Variants in HDLBP observed in about 807,000 individuals in gnomAD.
HDLBP encodes high density lipoprotein binding protein, also known as vigilin.
Under a neutral mutation model 137.3 loss-of-function variants are expected in HDLBP, and 30 were observed. The ratio of observed to expected loss-of-function variants is 0.22; its 90% confidence interval spans 0.16 to 0.30. The LOEUF (loss-of-function observed/expected upper bound fraction) is 0.30. Among genes scored for constraint, HDLBP ranks in the 10% least tolerant of loss-of-function variants. HDLBP has a pLI of 1.00. For missense variants in HDLBP, 1,119 were observed against 1,667.3 expected, an observed-to-expected ratio of 0.67 and a Z score of 5.73; for synonymous variants, 606 against 596.0, an observed-to-expected ratio of 1.02 and a Z score of -0.24.
Position 241,227,300 on chromosome 2 carries a change from G to C in HDLBP, c.*2301C>G, listed in dbSNP as rs1002698238. The C allele has an allele frequency of 6.6e-6, 1 of 152,486 alleles. No homozygotes were observed. The highest frequency in any genetic ancestry group is 2.4e-5 in the African/African-American group (1 of 41,442). 9.4% of individuals were successfully genotyped at this position (152,486 alleles called of 1,614,324 possible). A position where few individuals can be genotyped will look rare whatever the true frequency, so the allele number is the denominator to read the frequency against. On this transcript the variant is annotated 3_prime_UTR_variant, in exon 28 of 28. Transcript: ENST00000310931. ...GTCCCAGCATGCTACATCTGGTTTCGGGTTTTATTTTAGAATTTATAAAAT... is the reference window on the plus strand; with the variant it reads ...GTCCCAGCATGCTACATCTGGTTTCCGGTTTTATTTTAGAATTTATAAAAT...
At chr2:241,313,324 G>A (rs1014166075) in intron 1 of HDLBP, among the ~76,000 whole-genome samples, 1 of 152,152 alleles carries the variant, frequency 6.6e-6, no homozygotes, top group Non-Finnish European at 1.5e-5. Flanking sequence ...CTGTCGCCCA[G>A]GCTAGAGTGC....
intron 1 of HDLBP, among the ~76,000 whole-genome samples, chr2:241,310,003 G>A (rs866283530): frequency 9.9e-5 from 15 of 152,134 alleles, no homozygotes; most frequent in African/African-American, 3.6e-4. Context: ...TCTGACTCAC[G>A]AGCAGGCACA....
At chr2:241,274,098 G>A (rs963372765) in intron 1 of HDLBP, among the ~76,000 whole-genome samples, 2 of 152,188 alleles carry the variant, frequency 1.3e-5, no homozygotes, top group African/African-American at 4.8e-5. Flanking sequence ...GGGAAGAGCT[G>A]CCCTCACTGA....
chr2:241,295,240 T>C (rs2075134878), intron 1 of HDLBP, among the ~76,000 whole-genome samples: 1 of 152,198 alleles, frequency 6.6e-6, no homozygotes, highest in East Asian at 1.9e-4. Context: ...ATGAACAATA[T>C]TTCCCCAAAG....
Position 241,238,547 on chromosome 2 carries a change from A to T in HDLBP, c.2749+102T>A. The stretch of plus-strand genomic sequence containing the variant: ...CCCCAGAATACATAGATGGTTTTCC[A>T]GCAGAGACAGGAAAGAGCCTCACCA... On this transcript the variant is annotated intron_variant, in intron 20 of 27. Coordinates refer to ENST00000310931, the MANE Select transcript of HDLBP (RefSeq NM_005336.6). This position sits in a 1 kb window ranked among gnomAD's most constrained non-coding sequence, Gnocchi z 4.9. 1 of 955,820 alleles carries T rather than the reference A, an allele frequency of 1.0e-6. No homozygotes were observed. Among genetic ancestry groups the T allele is most frequent in the Non-Finnish European group, 1.5e-6 (1 of 672,566 alleles). 59.2% of individuals were successfully genotyped at this position (955,820 alleles called of 1,614,324 possible).
At chr2:241,231,745 A>T (rs2069786254) in intron 24 of HDLBP, among the ~76,000 whole-genome samples, 1 of 152,110 alleles carries the variant, frequency 6.6e-6, no homozygotes, top group Non-Finnish European at 1.5e-5. Flanking sequence ...ACACCATACC[A>T]GACTTGGGAT....
At chr2:241,276,898 G>T (rs757071744) in intron 1 of HDLBP, among the ~76,000 whole-genome samples, 5 of 151,374 alleles carry the variant, frequency 3.3e-5, no homozygotes, top group Non-Finnish European at 5.9e-5. Context: ...ATGTATAGAG[G>T]ATGCAAACAC....
intron 3 of HDLBP, among the ~76,000 whole-genome samples, chr2:241,265,301 C>T (rs954277476): frequency 6.6e-6 from 1 of 152,108 alleles, no homozygotes; most frequent in African/African-American, 2.4e-5. Context: ...GCCTGTAATC[C>T]CAGCTACTCG....
intron 2 of HDLBP, chr2:241,267,853 T>C (rs2073795805): frequency 2.1e-6 from 3 of 1,432,168 alleles, no homozygotes; most frequent in Non-Finnish European, 1.8e-6. Flanking sequence ...AGGGGAAACC[T>C]GGCCCAAGGG....
chr2:241,244,082 A>G (rs1453111441), intron 16 of HDLBP, among the ~76,000 whole-genome samples: 2 of 152,212 alleles, frequency 1.3e-5, no homozygotes, highest in Non-Finnish European at 2.9e-5. Context: ...CTAGGGAAGA[A>G]AACAACATCT....
rs746874477 is a variant in HDLBP, at chr2:241,253,383, G to A, written c.1293+10C>T. On this transcript the variant is annotated intron_variant, in intron 10 of 27. Transcript: ENST00000310931. ...CACCAGCACACACAACATTCCAAGG[G>A]GTACCTTACCAAATCTTTGACCATG... 2.6e-6 allele frequency: 4 copies of A among 1,561,694 alleles called. No homozygotes were observed. The highest frequency in any genetic ancestry group is 2.7e-6 in the Non-Finnish European group (3 of 1,131,776).
chr2:241,288,488 GA>G (rs948497708), intron 1 of HDLBP, among the ~76,000 whole-genome samples: 9 of 151,812 alleles, frequency 5.9e-5, no homozygotes, highest in African/African-American at 1.7e-4. Context: ...TAGCACCTAG[GA>G]AAAAAAATGG....
chr2:241,315,649 G>C lies in HDLBP; in HGVS notation c.-182C>G, dbSNP rs1320872153. On this transcript the variant is annotated 5_prime_UTR_variant, in exon 1 of 28. Coordinates refer to ENST00000310931, the MANE Select transcript of HDLBP (RefSeq NM_005336.6). ...CGAAACAGGGACAAGCCGCCATCTT[G>C]GTAAAGGAGAAGAGGCTACGCTTGA... The C allele has an allele frequency of 6.6e-6, 1 of 152,438 alleles. No homozygotes were observed. The highest frequency in any genetic ancestry group is 1.5e-5 in the Non-Finnish European group (1 of 68,244). 9.4% of individuals were successfully genotyped at this position (152,438 alleles called of 1,614,324 possible). A position where few individuals can be genotyped will look rare whatever the true frequency, so the allele number is the denominator to read the frequency against.
chr2:241,308,760 TAAC>T (rs983033610), intron 1 of HDLBP, among the ~76,000 whole-genome samples: 7 of 152,164 alleles, frequency 4.6e-5, no homozygotes, highest in African/African-American at 1.2e-4. Context: ...CGACCTGTGA[TAAC>T]AACAATACTT....
At position 241,272,171 on chromosome 2, in the gene HDLBP, T is replaced by C. The variant is rs1574991962; in HGVS notation, c.-102-3630A>G. On this transcript the variant is annotated intron_variant, in intron 1 of 27. Transcript: ENST00000310931. This position sits in a 1 kb window ranked among gnomAD's most constrained non-coding sequence, Gnocchi z 5.6. Reference sequence around the variant, plus strand: ...TTTCCCCACCCCCGAACACGTAGACTGACGCGGGCCCCGCGCGGCAGGTGG... The same window carrying C: ...TTTCCCCACCCCCGAACACGTAGACCGACGCGGGCCCCGCGCGGCAGGTGG... The C allele has an allele frequency of 9.1e-6, 9 of 985,158 alleles. No homozygotes were observed. Among genetic ancestry groups the C allele is most frequent in the Non-Finnish European group, 1.1e-5 (9 of 829,726 alleles). 61.0% of individuals were successfully genotyped at this position (985,158 alleles called of 1,614,324 possible).
At chr2:241,288,878 C>T (rs1318933344) in intron 1 of HDLBP, among the ~76,000 whole-genome samples, 2 of 152,198 alleles carry the variant, frequency 1.3e-5, no homozygotes, top group African/African-American at 4.8e-5. Context: ...TCCCTTCCAT[C>T]TCCTCACTAT....
chr2:241,229,775 A>AGCCCGCCT (rs760501358), intron 27 of HDLBP, 58 bp downstream of exon 27: 23 of 1,581,894 alleles, frequency 1.5e-5, no homozygotes, highest in Non-Finnish European at 2.0e-5. Context: ...CAGGACACCA[A>AGCCCGCCT]GCCCGCCTGC....
In HDLBP at chr2:241,255,567, G is replaced by A; in HGVS notation, c.887C>T (p.Thr296Ile). The A allele has an allele frequency of 1.9e-6, 3 of 1,613,654 alleles. No homozygotes were observed. The highest frequency in any genetic ancestry group is 1.1e-5 in the South Asian group (1 of 91,072). ...KIYEEKKKKT[T>I]TIAVEVKKSQ... The stretch of plus-strand genomic sequence containing the variant: ...TTTCTTCACTTCCACTGCAATGGTT[G>A]TAGTCTTCTTTTTCTAAATAAGAGC... The change falls in exon 8 of 28, where the codon ACA becomes ATA. Residue 296 changes from threonine to isoleucine, a missense_variant. Physicochemically the swap from Thr to Ile is moderately conservative, Grantham distance 89. Coordinates refer to ENST00000310931, the MANE Select transcript of HDLBP (RefSeq NM_005336.6).
chr2:241,277,548 G>A (rs986635707), intron 1 of HDLBP, among the ~76,000 whole-genome samples: 2 of 152,204 alleles, frequency 1.3e-5, no homozygotes, highest in Non-Finnish European at 2.9e-5. Context: ...GAGAAGAGTA[G>A]TGTCAAAAAC....
Sources: allele counts gnomAD v4.1 joint callset (sites outside exome capture counted in the v4.1 genomes callset), GRCh38; gene constraint gnomAD v4.1.1; non-coding constraint Gnocchi (gnomAD v3.1); transcripts MANE v1.5; gene names NCBI Gene and HGNC (gene_info 2026-07-23, HGNC 2026-07-21).